Variants in FAM83F observed in about 807,000 individuals in gnomAD.
FAM83F encodes the protein scaffolding CK1 anchoring protein F, also known as protein FAM83F.
FAM83F carries 45 observed loss-of-function variants against 42.9 expected under a neutral mutation model. That is an observed-to-expected ratio of 1.05 (90% CI 0.83 to 1.35). The LOEUF (loss-of-function observed/expected upper bound fraction) is 1.35, where lower values mean the gene tolerates loss of function less well. Among genes scored for constraint, FAM83F ranks in the 40% most tolerant of loss-of-function variants. FAM83F has a pLI of 0.00. For missense variants in FAM83F, 617 were observed against 695.9 expected (o/e 0.89, Z 1.28); for synonymous variants, 306 against 298.3 (o/e 1.03, Z -0.27).
chr22:40,005,634 G>A (rs923088190), intron 1 of FAM83F, among the ~76,000 whole-genome samples: 15 of 152,322 alleles, frequency 9.8e-5, no homozygotes, highest in African/African-American at 3.1e-4. Context: ...CAACCTTGTC[G>A]AGAGTGATGG....
At chr22:40,020,688 A>G (rs746463607) in intron 3 of FAM83F, among the ~76,000 whole-genome samples, 3 of 152,146 alleles carry the variant, frequency 2.0e-5, no homozygotes, top group Non-Finnish European at 4.4e-5. Context: ...TTTAGCAGGA[A>G]CACGAGAGAC....
intron 1 of FAM83F, among the ~76,000 whole-genome samples, chr22:39,999,423 A>G (rs1031579377): frequency 6.6e-6 from 1 of 152,220 alleles, no homozygotes; most frequent in Non-Finnish European, 1.5e-5. Context: ...TCCGCTTCTC[A>G]AAGATTGACC....
chr22:40,005,665 A>G (rs895361568), intron 1 of FAM83F, among the ~76,000 whole-genome samples: 8 of 152,236 alleles, frequency 5.3e-5, no homozygotes, highest in African/African-American at 1.9e-4. Context: ...TCAGCTCGAC[A>G]GGGAGTGAGC....
At chr22:40,027,375 C>T (rs1488314878) in intron 4 of FAM83F, among the ~76,000 whole-genome samples, 1 of 152,188 alleles carries the variant, frequency 6.6e-6, no homozygotes, top group African/African-American at 2.4e-5. Flanking sequence ...ACCAGACTGA[C>T]TGCAGGTCCC....
chr22:40,021,217 A>T lies in FAM83F; in HGVS notation c.780-73A>T. ...AAGGGTCTGGCCACAGCGGAGGGGC[A>T]GGTGGGGGCGGGGGCAGGGCAAGAG... On this transcript the variant is annotated intron_variant, in intron 3 of 4. Coordinates refer to ENST00000333407, the MANE Select transcript of FAM83F (RefSeq NM_138435.4). This position sits in a 1 kb window ranked among gnomAD's most constrained non-coding sequence, Gnocchi z 8.7. The T allele has an allele frequency of 6.9e-7, 1 of 1,459,018 alleles. No homozygotes were observed. The highest frequency in any genetic ancestry group is 9.1e-7 in the Non-Finnish European group (1 of 1,099,396). The allele number at this position is 1,459,018 out of a possible 1,614,324, so 90.4% of individuals were successfully genotyped here.
At chr22:40,006,947 AC>A (rs2067432702) in intron 1 of FAM83F, among the ~76,000 whole-genome samples, 1 of 152,178 alleles carries the variant, frequency 6.6e-6, no homozygotes, top group Non-Finnish European at 1.5e-5. Context: ...TGGGGCAGGC[AC>A]CAGGCAAGAT....
intron 3 of FAM83F, 115 bp downstream of exon 3, chr22:40,020,123 C>G: frequency 7.1e-7 from 1 of 1,413,428 alleles, no homozygotes; most frequent in South Asian, 1.5e-5. Context: ...GATCATCTGA[C>G]GCAATAGCAA....
intron 1 of FAM83F, among the ~76,000 whole-genome samples, chr22:40,017,774 T>C (rs1229861867): frequency 1.3e-5 from 2 of 152,234 alleles, no homozygotes; most frequent in African/African-American, 2.4e-5. Flanking sequence ...TTGTGTTTGC[T>C]GCTTTACCAA....
chr22:40,004,085 A>G (rs2067415537), intron 1 of FAM83F, among the ~76,000 whole-genome samples: 1 of 151,844 alleles, frequency 6.6e-6, no homozygotes, highest in African/African-American at 2.4e-5. Context: ...ACCATGTTTC[A>G]CTGAGACCCA....
rs17001585 is a variant in FAM83F, at chr22:40,034,347, A to G, written c.*4782A>G. ...AGGTACCCCCAGCTCAGTGAGCAGA[A>G]CCAGTCCAAGGTTGAGTGAGGAGAA... is the stretch of plus-strand genomic sequence containing the variant. On this transcript the variant is annotated 3_prime_UTR_variant, in exon 5 of 5. Transcript: ENST00000333407. 7,156 of 152,476 alleles carry G rather than the reference A, an allele frequency of 0.047. 517 individuals carry two copies. The highest frequency in any genetic ancestry group is 0.16 in the African/African-American group (6,455 of 41,502). The allele number at this position is 152,476 out of a possible 1,614,324, so 9.4% of individuals were successfully genotyped here.
chr22:40,024,805 T>C (rs1306891145), intron 4 of FAM83F, among the ~76,000 whole-genome samples: 3 of 152,160 alleles, frequency 2.0e-5, no homozygotes, highest in African/African-American at 2.4e-5. Context: ...GCCTGTAAAA[T>C]TGCTTGATAA....
rs1175840092 is a variant in FAM83F, at chr22:40,033,310, C to G, written c.*3745C>G. The G allele has an allele frequency of 3.3e-5, 5 of 152,334 alleles. No homozygotes were observed. In the East Asian group the frequency reaches 9.7e-4, roughly 29 times the overall value. 9.4% of individuals were successfully genotyped at this position (152,334 alleles called of 1,614,324 possible). A position where few individuals can be genotyped will look rare whatever the true frequency, so the allele number is the denominator to read the frequency against. ...ATGTTGGTCAGGCTGATCTTGAACT[C>G]CCGGCCTCAGGTGATCTGCCTGCCT... On this transcript the variant is annotated 3_prime_UTR_variant, in exon 5 of 5. Transcript: ENST00000333407.
chr22:40,008,532 C>A (rs542810519), intron 1 of FAM83F, among the ~76,000 whole-genome samples: 3 of 152,342 alleles, frequency 2.0e-5, no homozygotes, highest in African/African-American at 7.2e-5. Context: ...AGCCAAACAA[C>A]CAGTGTGACT....
chr22:40,000,364 T>C (rs2067393190), intron 1 of FAM83F, among the ~76,000 whole-genome samples: 1 of 152,104 alleles, frequency 6.6e-6, no homozygotes, highest in Non-Finnish European at 1.5e-5. Flanking sequence ...GGGAGGAGGA[T>C]ATGGTGAACA....
rs763646738 is a variant in FAM83F at position 40,019,910 on chromosome 22, A to G, written c.681A>G (p.Thr227=). 4.0e-5 allele frequency: 65 copies of G among 1,612,850 alleles called. No individual in the cohort carries two copies. Among genetic ancestry groups the G allele is most frequent in the Non-Finnish European group, 5.3e-5 (63 of 1,179,500 alleles). Residue 227 remains threonine (T), a synonymous_variant, in exon 3 of 5, where the codon ACA becomes ACG. Transcript: ENST00000333407. ...AGAACATCCGTGTCCGCTCTGTGAC[A>G]GGCGTCGGCTTCTACATGCCCATGG... ...RIRNIRVRSV[T]GVGFYMPMGR...
At chr22:40,013,083 A>AAAAAG (rs2067475602) in intron 1 of FAM83F, among the ~76,000 whole-genome samples, 1 of 92,308 alleles carries the variant, frequency 1.1e-5, no homozygotes, top group Non-Finnish European at 2.2e-5. Flanking sequence ...ACTCCGTTTC[A>AAAAAG]AAAAAAAAAA....
intron 4 of FAM83F, among the ~76,000 whole-genome samples, chr22:40,027,421 T>C (rs2067559976): frequency 6.6e-6 from 1 of 152,180 alleles, no homozygotes; most frequent in South Asian, 2.1e-4. Context: ...CCCATGCTTA[T>C]GTCACATGGC....
rs559704749 is a variant in FAM83F at position 40,026,205 on chromosome 22, G to A, written c.1454-3311G>A. Among the ~76,000 whole-genome samples the A allele has an allele frequency of 4.6e-5, 7 of 152,250 alleles. No individual in the cohort carries two copies. In the South Asian group the frequency reaches 1.2e-3, roughly 27 times the overall value. ...TGGCCATCTCCAGAAGGCTAGGATC[G>A]GCACCGTTTCCCTGCACCTTTAAAG... On this transcript the variant is annotated intron_variant, in intron 4 of 4. Coordinates refer to ENST00000333407, the MANE Select transcript of FAM83F (RefSeq NM_138435.4).
In FAM83F at chr22:40,021,313, T is replaced by G; in HGVS notation, c.803T>G (p.Val268Gly). The G allele has an allele frequency of 6.4e-7, 1 of 1,557,890 alleles. No homozygotes were observed. Among genetic ancestry groups the G allele is most frequent in the Non-Finnish European group, 8.7e-7 (1 of 1,146,680 alleles). Residue 268 changes from valine (V) to glycine (G), a missense_variant, in exon 4 of 5, where the codon GTG becomes GGG. By Grantham distance (109) the Val-to-Gly change is moderately radical (BLOSUM62 -3). Coordinates refer to ENST00000333407, the MANE Select transcript of FAM83F (RefSeq NM_138435.4). This position sits in a 1 kb window ranked among gnomAD's most constrained non-coding sequence, Gnocchi z 8.7. The part of the protein sequence containing the change: ...SYRFTWSSSH[V>G]DRNLLLLLTG... ...AGGTTCACCTGGAGTTCCTCCCATG[T>G]GGACAGAAACCTCCTCCTGCTCCTG...
Sources: gnomAD v4.1 joint callset for allele counts (sites outside exome capture counted in the v4.1 genomes callset) on GRCh38, gnomAD v4.1.1 for gene constraint, Gnocchi (gnomAD v3.1) non-coding constraint, MANE v1.5 for transcripts, NCBI Gene and HGNC (gene_info 2026-07-23, HGNC 2026-07-21) for gene names.